CIB2: variants seen among roughly 807,000 people sequenced by gnomAD.
CIB2 encodes the protein calcium and integrin binding family member 2.
A neutral mutation model predicts 23.1 loss-of-function variants in CIB2; 19 were observed. That is an observed-to-expected ratio of 0.82 (90% CI 0.57 to 1.21). The LOEUF (loss-of-function observed/expected upper bound fraction) is 1.21, where lower values mean the gene tolerates loss of function less well. CIB2 is among the 50% of genes most tolerant of loss of function. CIB2 has a pLI of 0.00. For missense variants in CIB2, 220 were observed against 241.5 expected (o/e 0.91, Z 0.59); for synonymous variants, 94 against 91.7 (o/e 1.03, Z -0.14).
chr15:78,131,174 G>C lies in CIB2; in HGVS notation c.42C>G (p.Asp14Glu). 2 of 1,591,184 alleles carry C rather than the reference G, an allele frequency of 1.3e-6. No individual in the cohort carries two copies. Among genetic ancestry groups the C allele is most frequent in the Non-Finnish European group, 1.7e-6 (2 of 1,170,406 alleles). Residue 14 changes from aspartate to glutamate, a missense_variant, in exon 1 of 6, where the codon GAC becomes GAG. Transcript: ENST00000258930. The surrounding 1 kb of genome is among the most constrained non-coding windows in gnomAD (Gnocchi z 5.8). ...KQTIFTEEQL[D>E]NYQDCTFFNK... ...GGCGCGCCGAGCTCACCTGGTAGTT[G>C]TCTAGCTGCTCTTCGGTGAAGATGG...
chr15:78,110,560 T>G (rs746085037), intron 3 of CIB2: 5 of 430,576 alleles, frequency 1.2e-5, no homozygotes, highest in Non-Finnish European at 2.4e-5. Context: ...AAATGCCTTC[T>G]TAATGCTGAA....
intron 3 of CIB2, among the ~76,000 whole-genome samples, chr15:78,109,828 A>G (rs955993651): frequency 2.6e-5 from 4 of 151,132 alleles, no homozygotes; most frequent in Non-Finnish European, 5.9e-5. Flanking sequence ...AAAAAAAAAA[A>G]TGCTGAGCAC....
intron 5 of CIB2, 159 bp downstream of exon 5, chr15:78,105,580 G>A (rs1430041392): frequency 2.0e-6 from 3 of 1,499,334 alleles, no homozygotes; most frequent in African/African-American, 2.8e-5. Context: ...GGGGACAAAG[G>A]CCAGTCACAC....
chr15:78,120,770 A>G, intron 2 of CIB2: 1 of 979,320 alleles, frequency 1.0e-6, no homozygotes, highest in Non-Finnish European at 1.2e-6. Flanking sequence ...GCAAAGAAAA[A>G]CCTCCTGCTC....
chr15:78,107,904 G>A (rs1270755672), intron 4 of CIB2, among the ~76,000 whole-genome samples: 1 of 152,202 alleles, frequency 6.6e-6, no homozygotes, highest in African/African-American at 2.4e-5. Flanking sequence ...GGGCGTGGTG[G>A]CTCACACCTG....
At chr15:78,128,363 C>T (rs2074409099) in intron 1 of CIB2, among the ~76,000 whole-genome samples, 1 of 152,078 alleles carries the variant, frequency 6.6e-6, no homozygotes, top group Admixed American at 6.6e-5. Flanking sequence ...ACTTTGGGTG[C>T]AAAGGGAAAG....
chr15:78,113,763 C>T (rs1019796856), intron 2 of CIB2, among the ~76,000 whole-genome samples: 32 of 152,166 alleles, frequency 2.1e-4, no homozygotes, highest in African/African-American at 7.7e-4. Flanking sequence ...ATCTCCTGAC[C>T]TCATGATCCG....
At position 78,111,244 on chromosome 15, in the gene CIB2, T is replaced by G; in HGVS notation, c.119A>C (p.Asn40Thr). The G allele has an allele frequency of 6.2e-7, 1 of 1,614,026 alleles. No homozygotes were observed. Among genetic ancestry groups the G allele is most frequent in the Non-Finnish European group, 8.5e-7 (1 of 1,179,994 alleles). ...LHSRFYELAPNLVPMDYRKSP... is the reference protein window; with the variant it reads ...LHSRFYELAPTLVPMDYRKSP... ...CTTCCTGTAGTCCATTGGGACGAGG[T>G]TGGGGGCCAGCTCATAGAATCGCGA... The change falls in exon 3 of 6, where the codon AAC (asparagine) becomes ACC (threonine). Residue 40 changes from asparagine (N) to threonine (T), a missense_variant. Physicochemically the swap from Asn to Thr is moderately conservative, Grantham distance 65. Transcript: ENST00000258930.
At position 78,111,515 on chromosome 15, in the gene CIB2, C is replaced by A. The variant is rs151163314; in HGVS notation, c.87-239G>T. Reference sequence around the variant, plus strand: ...TCCAGGCCTCCCTATTTCCACCACACCCACCCCATCAGCACCACCACCATC... The same window carrying A: ...TCCAGGCCTCCCTATTTCCACCACAACCACCCCATCAGCACCACCACCATC... On this transcript the variant is annotated intron_variant, in intron 2 of 5. Coordinates refer to ENST00000258930, the MANE Select transcript of CIB2 (RefSeq NM_006383.4). 5.9e-3 allele frequency among the ~76,000 whole-genome samples: 895 copies of A among 152,254 alleles called. 12 individuals are homozygous for A. The highest frequency in any genetic ancestry group is 0.021 in the African/African-American group (852 of 41,532).
Position 78,105,336 on chromosome 15 carries a change from G to C in CIB2, c.543-4C>G. The stretch of plus-strand genomic sequence containing the variant: ...TCAGATCCGGATGTGGAAAGTGCTA[G>C]AAAGAGAGAAAGGGCAAGAGAGGGT... On this transcript the variant is annotated splice_region_variant and splice_polypyrimidine_tract_variant and intron_variant, in intron 5 of 5. Coordinates refer to ENST00000258930, the MANE Select transcript of CIB2 (RefSeq NM_006383.4). The C allele has an allele frequency of 2.5e-6, 4 of 1,613,988 alleles. No individual in the cohort carries two copies. The highest frequency in any genetic ancestry group is 3.4e-6 in the Non-Finnish European group (4 of 1,179,928).
At chr15:78,108,789 C>T (rs1351072501) in intron 4 of CIB2, among the ~76,000 whole-genome samples, 1 of 152,200 alleles carries the variant, frequency 6.6e-6, no homozygotes, top group Non-Finnish European at 1.5e-5. Flanking sequence ...GTGGCTGGCT[C>T]CCACAGCCTG....
At chr15:78,114,594 A>T (rs1481549584) in intron 2 of CIB2, among the ~76,000 whole-genome samples, 1 of 152,180 alleles carries the variant, frequency 6.6e-6, no homozygotes, top group African/African-American at 2.4e-5. Context: ...TGTAGCATCC[A>T]GAATGGACCA....
intron 2 of CIB2, among the ~76,000 whole-genome samples, chr15:78,121,629 C>T (rs372500740): frequency 2.0e-5 from 3 of 152,172 alleles, no homozygotes; most frequent in African/African-American, 7.2e-5. Flanking sequence ...AGGGGCTTCT[C>T]CCCCTTTGCC....
intron 5 of CIB2, 131 bp downstream of exon 5, chr15:78,105,608 C>A (rs1434430886): frequency 1.3e-6 from 2 of 1,545,988 alleles, no homozygotes; most frequent in Non-Finnish European, 1.7e-6. Flanking sequence ...GCAAGGGTGG[C>A]TTGAACGTGA....
At chr15:78,114,701 G>T (rs1183505372) in intron 2 of CIB2, among the ~76,000 whole-genome samples, 1 of 151,858 alleles carries the variant, frequency 6.6e-6, no homozygotes. Flanking sequence ...TGCTTTGGGA[G>T]GCCAAAGTGA....
Position 78,123,688 on chromosome 15 carries a change from C to A in CIB2, c.86+17G>T. ...CCAGTCCCAGTCCCAACAGGGTGAA[C>A]GAGAAGCCACACTTACTTGAGGATG... On this transcript the variant is annotated intron_variant, in intron 2 of 5. Transcript: ENST00000258930. 1 of 1,613,994 alleles carries A rather than the reference C, an allele frequency of 6.2e-7. No homozygotes were observed. The highest frequency in any genetic ancestry group is 1.3e-5 in the African/African-American group (1 of 75,034).
At position 78,105,349 on chromosome 15, in the gene CIB2, G is replaced by C. The variant is rs2141879371; in HGVS notation, c.543-17C>G. ...TGGAAAGTGCTAGAAAGAGAGAAAG[G>C]GCAAGAGAGGGTGAGAGGCCCTGGG... is the stretch of plus-strand genomic sequence containing the variant. On this transcript the variant is annotated splice_polypyrimidine_tract_variant and intron_variant, in intron 5 of 5. Transcript: ENST00000258930. 1 of 1,613,798 alleles carries C rather than the reference G, an allele frequency of 6.2e-7. No individual in the cohort carries two copies. The highest frequency in any genetic ancestry group is 8.5e-7 in the Non-Finnish European group (1 of 1,179,874).
At chr15:78,111,351 T>G in intron 2 of CIB2, 75 bp from the exon 3 acceptor site, 1 of 1,198,392 alleles carries the variant, frequency 8.3e-7, no homozygotes, top group Non-Finnish European at 1.2e-6. Flanking sequence ...CTGTCCTGCC[T>G]AGGCCTCTGC....
rs117674490 is a variant in CIB2 at position 78,117,526 on chromosome 15, C to T, written c.86+6179G>A. Among the ~76,000 whole-genome samples, 3 of 152,294 alleles carry T rather than the reference C, an allele frequency of 2.0e-5. No homozygotes were observed. In the East Asian group the frequency reaches 5.8e-4, roughly 29 times the overall value. On this transcript the variant is annotated intron_variant, in intron 2 of 5. Coordinates refer to ENST00000258930, the MANE Select transcript of CIB2 (RefSeq NM_006383.4). ...GATTAATTCCTCTGAAAGTCACAAA[C>T]CAGCAATCCACCATTCATGCCTAGT...
Sources: gnomAD v4.1 joint callset for allele counts (sites outside exome capture counted in the v4.1 genomes callset) on GRCh38, gnomAD v4.1.1 for gene constraint, Gnocchi (gnomAD v3.1) non-coding constraint, MANE v1.5 for transcripts, NCBI Gene and HGNC (gene_info 2026-07-23, HGNC 2026-07-21) for gene names.